The following NEK10 variants were observed in gnomAD, a reference collection of about 807,000 sequenced individuals.
NEK10 encodes the protein serine/threonine-protein kinase Nek10.
NEK10 carries 122 observed loss-of-function variants against 159.8 expected under a neutral mutation model. That is an observed-to-expected ratio of 0.76 (90% CI 0.66 to 0.89). NEK10 has a LOEUF of 0.89. Ranked by LOEUF, NEK10 falls within the 40% of genes least tolerant of loss-of-function variation. NEK10 has a pLI of 0.00. For missense variants in NEK10, 1,342 were observed against 1,323.1 expected, an observed-to-expected ratio of 1.01 and a Z score of -0.22; for synonymous variants, 466 against 457.1, an observed-to-expected ratio of 1.02 and a Z score of -0.25.
intron 26 of NEK10, among the ~76,000 whole-genome samples, chr3:27,176,483 C>T (rs890364161): frequency 2.6e-5 from 4 of 152,166 alleles, no homozygotes; most frequent in Non-Finnish European, 4.4e-5. Flanking sequence ...TAGTATCGGG[C>T]TTCTAAGTCC....
At chr3:27,293,133 A>G (rs546884798) in intron 16 of NEK10, among the ~76,000 whole-genome samples, 3 of 152,242 alleles carry the variant, frequency 2.0e-5, no homozygotes, top group South Asian at 4.1e-4. Context: ...CCTCCCCTTC[A>G]AATGAGCTCC....
rs1479097070 is a variant in NEK10 at position 27,261,006 on chromosome 3, C to T, written c.2015-4635G>A. Reference sequence around the variant, plus strand: ...TCTTCTAGATTTTCTAGTTTATTTGCGTAGAGGTGTTTATAGTATTCTCTG... The same window carrying T: ...TCTTCTAGATTTTCTAGTTTATTTGTGTAGAGGTGTTTATAGTATTCTCTG... On this transcript the variant is annotated intron_variant, in intron 22 of 35. Coordinates refer to ENST00000691995, the MANE Select transcript of NEK10 (RefSeq NM_001394966.1). 1.1e-4 allele frequency among the ~76,000 whole-genome samples: 17 copies of T among 152,172 alleles called. No individual in the cohort carries two copies. In the East Asian group the frequency reaches 1.5e-3, roughly 14 times the overall value.
chr3:27,133,556 C>A (rs1942851436), intron 31 of NEK10, among the ~76,000 whole-genome samples: 1 of 152,150 alleles, frequency 6.6e-6, no homozygotes, highest in South Asian at 2.1e-4. Context: ...AGGAGGATCA[C>A]CTGAGGTAAG....
At chr3:27,356,700 T>C (rs937675586) in intron 1 of NEK10, among the ~76,000 whole-genome samples, 1 of 152,172 alleles carries the variant, frequency 6.6e-6, no homozygotes, top group Admixed American at 6.5e-5. Context: ...TCAGGTCAGA[T>C]GTGCTCTCCT....
intron 3 of NEK10, among the ~76,000 whole-genome samples, chr3:27,350,413 T>C (rs559471368): frequency 2.0e-5 from 3 of 152,278 alleles, no homozygotes; most frequent in Middle Eastern, 6.8e-3. Context: ...TTCTCCAATA[T>C]CTTCCCTCCC....
At chr3:27,233,709 A>G (rs1285024749) in intron 23 of NEK10, among the ~76,000 whole-genome samples, 1 of 152,082 alleles carries the variant, frequency 6.6e-6, no homozygotes, top group African/African-American at 2.4e-5. Context: ...AGCTGGTACC[A>G]TTCCTACTGA....
chr3:27,195,860 T>C (rs999689698), intron 25 of NEK10, among the ~76,000 whole-genome samples: 3 of 152,216 alleles, frequency 2.0e-5, no homozygotes, highest in Non-Finnish European at 4.4e-5. Context: ...CTGTACATAA[T>C]ACAATATCAT....
chr3:27,344,216 G>A, intron 5 of NEK10, 56 bp downstream of exon 5: 1 of 826,658 alleles, frequency 1.2e-6, no homozygotes, highest in Non-Finnish European at 2.0e-6. Flanking sequence ...CTAGAGACAA[G>A]ATAGATGACA....
chr3:27,261,105 T>G lies in NEK10; in HGVS notation c.2015-4734A>C, dbSNP rs2040373932. On this transcript the variant is annotated intron_variant, in intron 22 of 35. Transcript: ENST00000691995. The stretch of plus-strand genomic sequence containing the variant: ...TTTTTTATTGCGTCTATTTGATTCT[T>G]CTCTCTTTTCTTCTTTATTAGTCTT... 2.6e-5 allele frequency among the ~76,000 whole-genome samples: 4 copies of G among 152,334 alleles called. No individual in the cohort carries two copies. The South Asian group carries it at 8.3e-4, about 32-fold the overall frequency.
intron 13 of NEK10, among the ~76,000 whole-genome samples, chr3:27,300,134 A>C (rs1431680491): frequency 6.6e-6 from 1 of 152,128 alleles, no homozygotes; most frequent in Non-Finnish European, 1.5e-5. Flanking sequence ...CTCAATCTTG[A>C]ATTGTAACTC....
intron 5 of NEK10, among the ~76,000 whole-genome samples, chr3:27,322,534 T>C (rs1457279727): frequency 6.6e-6 from 1 of 152,154 alleles, no homozygotes; most frequent in Non-Finnish European, 1.5e-5. Flanking sequence ...TACCCTAAGA[T>C]CAAACGAAAG....
intron 23 of NEK10, among the ~76,000 whole-genome samples, chr3:27,203,669 T>C (rs1302000375): frequency 1.3e-5 from 2 of 152,120 alleles, no homozygotes; most frequent in Non-Finnish European, 2.9e-5. Context: ...TAAAGATTAA[T>C]ATAGTTAGCT....
chr3:27,340,950 T>C (rs1282236977), intron 5 of NEK10, among the ~76,000 whole-genome samples: 1 of 152,190 alleles, frequency 6.6e-6, no homozygotes, highest in African/African-American at 2.4e-5. Context: ...TCAACCTTAG[T>C]GTACACCAAC....
chr3:27,348,060 CGAATAAAATTTGTCATTACAAATTA>C (rs1449838068), intron 3 of NEK10, among the ~76,000 whole-genome samples: 1 of 151,948 alleles, frequency 6.6e-6, no homozygotes. Flanking sequence ...TTTTGCTAAA[CGAATAAAATTTGTCATTACAAATTA>C]GGTGATTTCT....
rs112924433 is a variant in NEK10 at position 27,109,222 on chromosome 3, C to T, written c.*2050G>A. 0.039 allele frequency among the ~76,000 whole-genome samples: 5,912 copies of T among 151,788 alleles called. 364 individuals are homozygous for T. Among genetic ancestry groups the T allele is most frequent in the African/African-American group, 0.13 (5,581 of 41,418 alleles). ...GGTGTAACCCCATCTCTACTAAAAACACAAAAATTAGCTGGGCATGGCAGC... is the reference window on the plus strand; with the variant it reads ...GGTGTAACCCCATCTCTACTAAAAATACAAAAATTAGCTGGGCATGGCAGC... On this transcript the variant is annotated 3_prime_UTR_variant, in exon 36 of 36. Coordinates refer to ENST00000691995, the MANE Select transcript of NEK10 (RefSeq NM_001394966.1).
intron 32 of NEK10, among the ~76,000 whole-genome samples, chr3:27,128,400 T>C (rs1942218827): frequency 6.6e-6 from 1 of 152,318 alleles, no homozygotes; most frequent in Admixed American, 6.5e-5. Context: ...TTGGTGATCA[T>C]ATCTAGGTGC....
At chr3:27,320,425 C>T (rs1252051736) in intron 6 of NEK10, among the ~76,000 whole-genome samples, 2 of 152,156 alleles carry the variant, frequency 1.3e-5, no homozygotes, top group Non-Finnish European at 2.9e-5. Context: ...TAATATTACA[C>T]ATATAATGTT....
chr3:27,285,478 A>G (rs947753826), intron 20 of NEK10, among the ~76,000 whole-genome samples: 13 of 152,066 alleles, frequency 8.5e-5, no homozygotes, highest in African/African-American at 3.1e-4. Flanking sequence ...ACAGTTGAAA[A>G]TAACACACAT....
Position 27,109,523 on chromosome 3 carries a change from T to G in NEK10, c.*1749A>C, listed in dbSNP as rs1037614767. ...GGTACACCTTTTGAATACTATTCTT[T>G]CCTAAATTCTGTTTACTATATACTA... On this transcript the variant is annotated 3_prime_UTR_variant, in exon 36 of 36. Coordinates refer to ENST00000691995, the MANE Select transcript of NEK10 (RefSeq NM_001394966.1). 3.9e-5 allele frequency among the ~76,000 whole-genome samples: 6 copies of G among 152,328 alleles called. No individual in the cohort carries two copies. The East Asian group carries it at 1.2e-3, about 29-fold the overall frequency.
Sources: allele counts gnomAD v4.1 joint callset (sites outside exome capture counted in the v4.1 genomes callset), GRCh38; gene constraint gnomAD v4.1.1; transcripts MANE v1.5; gene names NCBI Gene and HGNC (gene_info 2026-07-23, HGNC 2026-07-21).